Variants in GSK3B observed in about 807,000 individuals in gnomAD.
GSK3B encodes the protein glycogen synthase kinase 3 beta.
GSK3B carries 15 observed loss-of-function variants against 56.4 expected under a neutral mutation model. That is an observed-to-expected ratio of 0.27 (90% confidence interval 0.18 to 0.41). GSK3B has a LOEUF of 0.41. Ranked by LOEUF, GSK3B falls within the 10% of genes least tolerant of loss-of-function variation. GSK3B has a pLI of 1.00. For synonymous variants in GSK3B, 181 were observed against 188.9 expected (o/e 0.96, Z 0.34); for missense variants, 300 against 513.4 (o/e 0.58, Z 4.02).
At chr3:119,828,787 A>G (rs1028469869) in intron 10 of GSK3B, among the ~76,000 whole-genome samples, 2 of 152,220 alleles carry the variant, frequency 1.3e-5, no homozygotes, top group Admixed American at 6.5e-5. Flanking sequence ...CATTTAGCAC[A>G]GCCTTTGGGG....
intron 8 of GSK3B, among the ~76,000 whole-genome samples, chr3:119,866,882 C>T (rs1264908307): frequency 6.6e-6 from 1 of 151,940 alleles, no homozygotes; most frequent in Non-Finnish European, 1.5e-5. Flanking sequence ...AGTAAAGAAA[C>T]ATTTTAATTT....
chr3:119,990,708 C>T (rs2057556291), intron 2 of GSK3B, among the ~76,000 whole-genome samples: 2 of 152,186 alleles, frequency 1.3e-5, no homozygotes, highest in Admixed American at 6.5e-5. Flanking sequence ...GTGGGTGGAT[C>T]ACCTGAGGTC....
At chr3:120,052,406 A>C (rs1041248988) in intron 1 of GSK3B, among the ~76,000 whole-genome samples, 2 of 152,146 alleles carry the variant, frequency 1.3e-5, no homozygotes, top group African/African-American at 4.8e-5. Context: ...CAGGTTACCG[A>C]GTAGTTCTGA....
chr3:120,025,598 T>G (rs935561413), intron 1 of GSK3B, among the ~76,000 whole-genome samples: 2 of 152,192 alleles, frequency 1.3e-5, no homozygotes, highest in African/African-American at 4.8e-5. Flanking sequence ...GTTGAAACTT[T>G]CCTTGAAATT....
At chr3:119,890,203 A>G (rs878958094) in intron 7 of GSK3B, among the ~76,000 whole-genome samples, 1 of 152,094 alleles carries the variant, frequency 6.6e-6, no homozygotes, top group Admixed American at 6.6e-5. Context: ...TAGGAGCTTT[A>G]CTCATAATAA....
intron 3 of GSK3B, among the ~76,000 whole-genome samples, chr3:119,932,447 C>A (rs113566193): frequency 6.6e-6 from 1 of 150,852 alleles, no homozygotes; most frequent in Non-Finnish European, 1.5e-5. Context: ...ACGATTAAGG[C>A]AAATTTCATC....
intron 2 of GSK3B, among the ~76,000 whole-genome samples, chr3:119,987,092 C>T (rs937200832): frequency 6.6e-6 from 1 of 152,118 alleles, no homozygotes; most frequent in Non-Finnish European, 1.5e-5. Flanking sequence ...AACCAAAGAC[C>T]GCATGTTCTC....
At chr3:120,009,946 C>G (rs2057764069) in intron 1 of GSK3B, among the ~76,000 whole-genome samples, 1 of 152,084 alleles carries the variant, frequency 6.6e-6, no homozygotes, top group Non-Finnish European at 1.5e-5. Flanking sequence ...TCATGGCCAG[C>G]CATCTTGAAT....
intron 10 of GSK3B, among the ~76,000 whole-genome samples, chr3:119,832,732 T>C (rs558188359): frequency 3.3e-5 from 5 of 152,358 alleles, no homozygotes; most frequent in South Asian, 4.1e-4. Context: ...GCAAAGCAAA[T>C]TGGCACATGT....
intron 7 of GSK3B, among the ~76,000 whole-genome samples, chr3:119,899,452 C>T (rs2056604279): frequency 6.6e-6 from 1 of 152,044 alleles, no homozygotes; most frequent in Non-Finnish European, 1.5e-5. Context: ...ATGTAAAGTG[C>T]TTAACCCAGT....
At chr3:120,083,149 G>GA (rs1175204939) in intron 1 of GSK3B, among the ~76,000 whole-genome samples, 2 of 151,896 alleles carry the variant, frequency 1.3e-5, no homozygotes, top group East Asian at 1.9e-4. Flanking sequence ...AACAAATATG[G>GA]AAAAAAACAA....
chr3:120,052,150 C>A (rs561201187), intron 1 of GSK3B, among the ~76,000 whole-genome samples: 18 of 152,246 alleles, frequency 1.2e-4, no homozygotes, highest in Non-Finnish European at 2.1e-4. Context: ...ATTTTCCATC[C>A]ATTGATGTTT....
At chr3:119,929,641 G>A (rs2056923241) in intron 3 of GSK3B, among the ~76,000 whole-genome samples, 2 of 151,984 alleles carry the variant, frequency 1.3e-5, no homozygotes, top group East Asian at 1.9e-4. Context: ...GGTGGCTCAC[G>A]CCTGTAATCC....
chr3:120,027,002 C>T (rs1390293088), intron 1 of GSK3B, among the ~76,000 whole-genome samples: 76 of 135,232 alleles, frequency 5.6e-4, no homozygotes, highest in East Asian at 2.6e-3. Context: ...ACCCAGGAGG[C>T]GGAGGTTGCA....
rs545925425 is a variant in GSK3B at position 119,824,224 on chromosome 3, A to T, written c.*2564T>A. 1 of 212,762 alleles carries T rather than the reference A, an allele frequency of 4.7e-6. No homozygotes were observed. Among genetic ancestry groups the T allele is most frequent in the African/African-American group, 2.3e-5 (1 of 44,310 alleles). 13.2% of individuals were successfully genotyped at this position (212,762 alleles called of 1,614,324 possible). ...GCTTGAATTTGGTGAGGAGCTTTTTATTATTATTATATACAAAAAGATATT... is the reference window on the plus strand; with the variant it reads ...GCTTGAATTTGGTGAGGAGCTTTTTTTTATTATTATATACAAAAAGATATT... On this transcript the variant is annotated 3_prime_UTR_variant, in exon 11 of 11. Coordinates refer to ENST00000264235, the MANE Select transcript of GSK3B (RefSeq NM_001146156.2).
At chr3:119,970,465 G>A (rs538799821) in intron 2 of GSK3B, among the ~76,000 whole-genome samples, 1 of 152,084 alleles carries the variant, frequency 6.6e-6, no homozygotes, top group South Asian at 2.1e-4. Context: ...TACCCTGCTG[G>A]TGAGAATAAA....
chr3:120,076,809 G>A lies in GSK3B; in HGVS notation c.88+16538C>T, dbSNP rs1180257359. On this transcript the variant is annotated intron_variant, in intron 1 of 10. Coordinates refer to ENST00000264235, the MANE Select transcript of GSK3B (RefSeq NM_001146156.2). ...AGCCTGGGCGACAGAGCGAAACTCC[G>A]TCTCAAAAAAAAAAAAAAAAAAAAA... Among the ~76,000 whole-genome samples the A allele has an allele frequency of 1.0e-3, 66 of 64,256 alleles. No homozygotes were observed. The South Asian group carries it at 0.038, about 37-fold the overall frequency. 42.2% of individuals were successfully genotyped at this position (64,256 alleles called of 152,430 possible).
intron 4 of GSK3B, among the ~76,000 whole-genome samples, chr3:119,921,205 T>G (rs769136049): frequency 1.5e-4 from 23 of 152,170 alleles, no homozygotes; most frequent in African/African-American, 5.3e-4. Context: ...TTTTCGTAAA[T>G]AAAGAAAAGG....
At chr3:119,998,575 G>A (rs2057646357) in intron 2 of GSK3B, among the ~76,000 whole-genome samples, 1 of 152,172 alleles carries the variant, frequency 6.6e-6, no homozygotes, top group African/African-American at 2.4e-5. Context: ...CATTTTAAAT[G>A]GGTTTTAACA....
Sources: gnomAD v4.1 joint callset for allele counts (sites outside exome capture counted in the v4.1 genomes callset) on GRCh38, gnomAD v4.1.1 for gene constraint, MANE v1.5 for transcripts, NCBI Gene and HGNC (gene_info 2026-07-23, HGNC 2026-07-21) for gene names.